CMTM4: variants seen among roughly 807,000 people sequenced by gnomAD.
CMTM4 encodes CKLF-like MARVEL transmembrane domain-containing protein 4.
In CMTM4, 8 loss-of-function variants were observed where a neutral mutation model predicts 19.0. The ratio of observed to expected loss-of-function variants is 0.42; its 90% CI spans 0.25 to 0.76. The LOEUF (loss-of-function observed/expected upper bound fraction) is 0.76. Ranked by LOEUF, CMTM4 falls within the 30% of genes least tolerant of loss-of-function variation. The probability of loss-of-function intolerance (pLI) is 0.27; values close to 1 mark genes in which losing one functional copy is unlikely to be tolerated. For synonymous variants in CMTM4, 106 were observed against 121.1 expected (o/e 0.88, Z 0.82); for missense variants, 228 against 290.2 (o/e 0.79, Z 1.56).
intron 1 of CMTM4, among the ~76,000 whole-genome samples, chr16:66,648,275 G>T (rs994553491): frequency 6.6e-6 from 1 of 152,248 alleles, no homozygotes; most frequent in African/African-American, 2.4e-5. Context: ...GCAGAAAAAT[G>T]AACCTTGGTT....
chr16:66,604,800 G>A, the CMTM4 span: 7 of 1,248,454 alleles, frequency 5.6e-6, no homozygotes, highest in South Asian at 3.4e-5. Flanking sequence ...TACCGCCGCC[G>A]CCGCCATGTG....
At chr16:66,694,218 ATAAC>A (rs2017189927) in intron 1 of CMTM4, among the ~76,000 whole-genome samples, 1 of 152,212 alleles carries the variant, frequency 6.6e-6, no homozygotes, top group Non-Finnish European at 1.5e-5. Context: ...CAATGCAGTA[ATAAC>A]TAACAGTCTA....
intron 1 of CMTM4, among the ~76,000 whole-genome samples, chr16:66,649,363 C>T (rs930811467): frequency 2.0e-4 from 31 of 152,112 alleles, no homozygotes; most frequent in Admixed American, 1.6e-3. Context: ...ATGCCAGGCA[C>T]GATCCTAACT....
Position 66,622,268 on chromosome 16 carries a change from CCCT to C in CMTM4, c.463-49_463-47del, listed in dbSNP as rs1256966609. ...TTAGTCCTCGGGCACGTGGCCTGGCCCCTCAAGGCTTCTGTGGTGACCCAAGCC... is the reference window on the plus strand; with the variant it reads ...TTAGTCCTCGGGCACGTGGCCTGGCCCAAGGCTTCTGTGGTGACCCAAGCC... On this transcript the variant is annotated intron_variant, in intron 3 of 3. Transcript: ENST00000394106. This position sits in a 1 kb window ranked among gnomAD's most constrained non-coding sequence, Gnocchi z 4.0. 11 of 1,597,058 alleles carry C rather than the reference CCCT, an allele frequency of 6.9e-6. No homozygotes were observed. The East Asian group carries it at 1.1e-4, about 16-fold the overall frequency.
At chr16:66,629,136 A>T (rs944818422) in intron 2 of CMTM4, among the ~76,000 whole-genome samples, 6 of 152,224 alleles carry the variant, frequency 3.9e-5, no homozygotes, top group Admixed American at 1.3e-4. Context: ...CATGAAACAA[A>T]TCAAGGCTGA....
At chr16:66,670,796 A>AT (rs1431467486) in intron 1 of CMTM4, among the ~76,000 whole-genome samples, 1 of 151,822 alleles carries the variant, frequency 6.6e-6, no homozygotes, top group Non-Finnish European at 1.5e-5. Context: ...AAGACTCCAT[A>AT]TAAAAAAAAA....
At position 66,669,467 on chromosome 16, in the gene CMTM4, T is replaced by TA. The variant is rs35876830; in HGVS notation, c.186+26872dup. On this transcript the variant is annotated intron_variant, in intron 1 of 3. Coordinates refer to ENST00000394106, the MANE Select transcript of CMTM4 (RefSeq NM_181521.3). ...AAAAGTCAATTTACTACATGTTAATTAAAAAAAAAAAAAAAAAGAGCATGT... is the reference window on the plus strand; with the variant it reads ...AAAAGTCAATTTACTACATGTTAATTAAAAAAAAAAAAAAAAAAGAGCATGT... 2.4e-3 allele frequency among the ~76,000 whole-genome samples: 310 copies of TA among 128,802 alleles called. 1 individual carries two copies. Among genetic ancestry groups the TA allele is most frequent in the South Asian group, 4.1e-3 (17 of 4,186 alleles). The allele number at this position is 128,802 out of a possible 152,430, so 84.5% of individuals were successfully genotyped here. A position where few individuals can be genotyped will look rare whatever the true frequency, so the allele number is the denominator to read the frequency against.
At chr16:66,628,332 A>G (rs1240617218) in intron 2 of CMTM4, among the ~76,000 whole-genome samples, 1 of 152,202 alleles carries the variant, frequency 6.6e-6, no homozygotes, top group Admixed American at 6.5e-5. Context: ...GGGGACGGTC[A>G]GGTCTTTTTC....
At chr16:66,674,532 T>C (rs1303786074) in intron 1 of CMTM4, among the ~76,000 whole-genome samples, 4 of 152,068 alleles carry the variant, frequency 2.6e-5, no homozygotes, top group Non-Finnish European at 4.4e-5. Flanking sequence ...TTGACAGATA[T>C]GCTGATGGTA....
At chr16:66,656,721 T>C (rs72790480) in intron 1 of CMTM4, among the ~76,000 whole-genome samples, 2,956 of 151,306 alleles carry the variant, frequency 0.02, 67 homozygotes, top group South Asian at 0.11. Flanking sequence ...GGTTAAGATC[T>C]CCAGTAATGA....
intron 1 of CMTM4, among the ~76,000 whole-genome samples, chr16:66,650,981 G>A (rs1024705788): frequency 9.2e-5 from 14 of 152,112 alleles, no homozygotes; most frequent in Non-Finnish European, 1.8e-4. Context: ...CAGCACATTC[G>A]AAATTCAAAT....
chr16:66,634,757 A>T (rs967852644), intron 2 of CMTM4, among the ~76,000 whole-genome samples: 5 of 151,120 alleles, frequency 3.3e-5, no homozygotes, highest in African/African-American at 7.3e-5. Flanking sequence ...TTTTATACTT[A>T]AAAAAAAACC....
chr16:66,598,731 TTTG>T, the CMTM4 span, among the ~76,000 whole-genome samples: 151 of 152,358 alleles, frequency 9.9e-4, no homozygotes, highest in African/African-American at 3.4e-3. Flanking sequence ...TCCACATTGC[TTTG>T]TTTATCAATG....
intron 1 of CMTM4, among the ~76,000 whole-genome samples, chr16:66,647,504 G>A (rs374968022): frequency 6.6e-5 from 10 of 151,944 alleles, no homozygotes; most frequent in African/African-American, 2.2e-4. Context: ...CTAGAAATAC[G>A]TGAGCATTGC....
chr16:66,634,257 T>C (rs977482718), intron 2 of CMTM4, among the ~76,000 whole-genome samples: 2 of 152,012 alleles, frequency 1.3e-5, no homozygotes, highest in Non-Finnish European at 2.9e-5. Flanking sequence ...CTGGCCAAGA[T>C]GGTGAAACCC....
At chr16:66,658,997 T>C (rs2016453157) in intron 1 of CMTM4, among the ~76,000 whole-genome samples, 1 of 152,096 alleles carries the variant, frequency 6.6e-6, no homozygotes, top group Admixed American at 6.5e-5. Flanking sequence ...AGACAGCTTC[T>C]TTTCATCCCA....
chr16:66,617,667 C>A lies in CMTM4; in HGVS notation c.*4391G>T. The A allele has an allele frequency of 1.8e-6, 2 of 1,086,012 alleles. No homozygotes were observed. Among genetic ancestry groups the A allele is most frequent in the South Asian group, 5.3e-5 (2 of 37,400 alleles). 67.3% of individuals were successfully genotyped at this position (1,086,012 alleles called of 1,614,324 possible). Reference sequence around the variant, plus strand: ...GTTCTTGTGACTTGAATGATATCTGCTGAGAAGAGAAGAAACACAAGATTC... The same window carrying A: ...GTTCTTGTGACTTGAATGATATCTGATGAGAAGAGAAGAAACACAAGATTC... On this transcript the variant is annotated 3_prime_UTR_variant, in exon 4 of 4. Coordinates refer to ENST00000394106, the MANE Select transcript of CMTM4 (RefSeq NM_181521.3).
chr16:66,627,876 C>T (rs751046338), intron 2 of CMTM4, among the ~76,000 whole-genome samples: 4 of 152,220 alleles, frequency 2.6e-5, no homozygotes, highest in African/African-American at 4.8e-5. Context: ...GGACCTGCCC[C>T]GGCACCGGTC....
At chr16:66,604,782 C>A in the CMTM4 span, 5 of 1,242,472 alleles carry the variant, frequency 4.0e-6, no homozygotes, top group Non-Finnish European at 5.0e-6. Context: ...CAGGCCGAGC[C>A]CCGGCCCTAC....
Sources: allele counts gnomAD v4.1 joint callset (sites outside exome capture counted in the v4.1 genomes callset), GRCh38; gene constraint gnomAD v4.1.1; non-coding constraint Gnocchi (gnomAD v3.1); transcripts MANE v1.5; gene names NCBI Gene and HGNC (gene_info 2026-07-23, HGNC 2026-07-21).